NPC1: variants seen among roughly 807,000 people sequenced by gnomAD.
NPC1 encodes NPC intracellular cholesterol transporter 1, also known as Niemann-Pick C1 protein.
A neutral mutation model predicts 140.4 loss-of-function variants in NPC1; 85 were observed. The observed-to-expected ratio is 0.61, with a 90% CI of 0.51 to 0.72. The LOEUF (loss-of-function observed/expected upper bound fraction) is 0.72, where lower values mean the gene tolerates loss of function less well. NPC1 is among the 30% of genes least tolerant of loss of function. The pLI is 0.00. For synonymous variants in NPC1, 656 were observed against 624.8 expected, an observed-to-expected ratio of 1.05 and a Z score of -0.74; for missense variants, 1,504 against 1,623.8, an observed-to-expected ratio of 0.93 and a Z score of 1.27.
At chr18:23,514,794 A>G (rs2057956395) in intron 3 of NPC1, among the ~76,000 whole-genome samples, 1 of 152,142 alleles carries the variant, frequency 6.6e-6, no homozygotes. Flanking sequence ...AGTTAAAAAG[A>G]AAGAAGACTC....
At chr18:23,568,275 T>G (rs1599001323) in intron 4 of NPC1, among the ~76,000 whole-genome samples, 1 of 152,196 alleles carries the variant, frequency 6.6e-6, no homozygotes, top group Non-Finnish European at 1.5e-5. Flanking sequence ...GATTCCTAAG[T>G]GCCTTATTTT....
At chr18:23,550,573 C>A (rs149704538) in intron 10 of NPC1, among the ~76,000 whole-genome samples, 1 of 142,306 alleles carries the variant, frequency 7.0e-6, no homozygotes, top group Non-Finnish European at 1.5e-5. Flanking sequence ...GCTCTGCCTC[C>A]CGGGTTCACA....
chr18:23,516,194 C>T, intron 3 of NPC1: 1 of 1,332,144 alleles, frequency 7.5e-7, no homozygotes, highest in South Asian at 1.2e-5. Flanking sequence ...TGTGAGAGGA[C>T]ATGGGGGACG....
At position 23,541,323 on chromosome 18, in the gene NPC1, C is replaced by G; in HGVS notation, c.2356G>C (p.Asp786His). The G allele has an allele frequency of 6.2e-7, 1 of 1,614,206 alleles. No individual in the cohort carries two copies. Among genetic ancestry groups the G allele is most frequent in the Non-Finnish European group, 8.5e-7 (1 of 1,180,046 alleles). ...CAACTTACCTCTTGACGTTTAATGT[C>G]TAACCCCAAGAGACTCACGAAACAG... ...ITCFVSLLGL[D>H]IKRQEKNRLD... The change falls in exon 15 of 25, where the codon GAC becomes CAC. Residue 786 changes from aspartate (D) to histidine (H), a missense_variant. By Grantham distance (81) the Asp-to-His change is moderately conservative (BLOSUM62 -1). Transcript: ENST00000269228.
intron 1 of NPC1, among the ~76,000 whole-genome samples, chr18:23,585,212 G>A (rs1220833675): frequency 1.3e-5 from 2 of 152,164 alleles, no homozygotes; most frequent in African/African-American, 4.8e-5. Context: ...CGTGATCACA[G>A]CTCACAGCAG....
At chr18:23,545,467 T>C (rs1167068484) in intron 11 of NPC1, among the ~76,000 whole-genome samples, 1 of 152,214 alleles carries the variant, frequency 6.6e-6, no homozygotes, top group Non-Finnish European at 1.5e-5. Flanking sequence ...AGTCTCAAAC[T>C]CCTGACCTCA....
chr18:23,553,982 G>C (rs535973846), intron 9 of NPC1, among the ~76,000 whole-genome samples: 2 of 152,270 alleles, frequency 1.3e-5, no homozygotes, highest in Non-Finnish European at 2.9e-5. Context: ...GGCACCAAAG[G>C]CTCTTCTATC....
At chr18:23,562,909 C>T (rs187319173) in intron 4 of NPC1, among the ~76,000 whole-genome samples, 1 of 152,138 alleles carries the variant, frequency 6.6e-6, no homozygotes. Flanking sequence ...TACAATTTAC[C>T]CCCTTAAACT....
chr18:23,524,141 G>C, intron 1 of NPC1: 1 of 1,614,006 alleles, frequency 6.2e-7, no homozygotes, highest in Non-Finnish European at 8.5e-7. Flanking sequence ...TCCTGCTGCC[G>C]TGACCAGCCA....
rs190703290 is a variant in NPC1, at chr18:23,512,221, A to G, written c.432-5579T>C. On this transcript the variant is annotated intron_variant, in intron 3 of 3. Transcript: ENST00000591107. The stretch of plus-strand genomic sequence containing the variant: ...TTTTTAGAAGAGGTGGGGTTTCACC[A>G]TGTTGGCCAGGCTGGTCTTGAACCC... Among the ~76,000 whole-genome samples the G allele has an allele frequency of 1.4e-3, 207 of 152,008 alleles. 2 individuals are homozygous for G. The East Asian group carries it at 0.034, about 25-fold the overall frequency.
Position 23,534,526 on chromosome 18 carries a change from T to C in NPC1, c.3511A>G (p.Ile1171Val), listed in dbSNP as rs1342367428. Residue 1171 changes from isoleucine (I) to valine (V), a missense_variant, in exon 23 of 25, where the codon ATA becomes GTA. By Grantham distance (29) the Ile-to-Val change is conservative. Transcript: ENST00000269228. Reference protein sequence around the residue: ...CGISVEFCSHITRAFTVSMKG... With the variant: ...CGISVEFCSHVTRAFTVSMKG... ...ATGCTCACCGTGAACGCTCTGGTTA[T>C]GTGGCTGCAGAACTCCACGGAGATG... 2.5e-6 allele frequency: 4 copies of C among 1,614,172 alleles called. No individual in the cohort carries two copies. Among genetic ancestry groups the C allele is most frequent in the East Asian group, 2.2e-5 (1 of 44,886 alleles).
rs371903439 is a variant in NPC1, at chr18:23,548,754, C to T, written c.1655-646G>A. The stretch of plus-strand genomic sequence containing the variant: ...CCTATAAATATTTTAATGTGTAAAA[C>T]ACATACTTGTAGAAATAAATCTTTT... On this transcript the variant is annotated intron_variant, in intron 10 of 24. Transcript: ENST00000269228. Among the ~76,000 whole-genome samples the T allele has an allele frequency of 4.2e-4, 64 of 152,214 alleles. 1 individual carries two copies. The South Asian group carries it at 0.013, about 31-fold the overall frequency.
At chr18:23,512,820 T>C (rs144172439) in intron 3 of NPC1, among the ~76,000 whole-genome samples, 158 of 152,350 alleles carry the variant, frequency 1.0e-3, no homozygotes, top group African/African-American at 3.6e-3. Context: ...GTGTTAAGTA[T>C]ATTCATTCAC....
rs1373406697 is a variant in NPC1 at position 23,531,939 on chromosome 18, C to G, written c.*263G>C. On this transcript the variant is annotated 3_prime_UTR_variant, in exon 25 of 25. Transcript: ENST00000269228. ...CATTCACAGCCATCTAGTGTCACCT[C>G]CTGCTTGCCAAAGAATGAGGTTTCT... is the stretch of plus-strand genomic sequence containing the variant. 2.1e-6 allele frequency: 3 copies of G among 1,444,540 alleles called. No individual in the cohort carries two copies. Among genetic ancestry groups the G allele is most frequent in the Non-Finnish European group, 2.7e-6 (3 of 1,106,586 alleles). 89.5% of individuals were successfully genotyped at this position (1,444,540 alleles called of 1,614,324 possible).
At chr18:23,578,817 A>G (rs2059323245) in intron 1 of NPC1, among the ~76,000 whole-genome samples, 2 of 152,170 alleles carry the variant, frequency 1.3e-5, no homozygotes, top group South Asian at 4.1e-4. Flanking sequence ...TCTTCAACAG[A>G]GTTTCAAATG....
At chr18:23,519,065 A>C (rs1333614797), downstream of NPC1, 18 of 1,613,894 alleles carry the variant, frequency 1.1e-5, no homozygotes, top group Admixed American at 1.7e-5. Flanking sequence ...TTTCTATCCT[A>C]CAGAGAAGGT....
chr18:23,577,702 C>G (rs910372723), intron 1 of NPC1, among the ~76,000 whole-genome samples: 3 of 152,050 alleles, frequency 2.0e-5, no homozygotes, highest in Admixed American at 6.5e-5. Context: ...CGGGGAGGCT[C>G]AGGCTGCACA....
At chr18:23,578,291 AC>A (rs1192947757) in intron 1 of NPC1, among the ~76,000 whole-genome samples, 1 of 152,248 alleles carries the variant, frequency 6.6e-6, no homozygotes, top group Non-Finnish European at 1.5e-5. Context: ...AGGCTAAACA[AC>A]TTGTCCAAGG....
chr18:23,586,232 G>C, intron 1 of NPC1, 55 bp downstream of exon 1: 1 of 1,519,404 alleles, frequency 6.6e-7, no homozygotes, highest in South Asian at 1.2e-5. Flanking sequence ...GCCTTCCCCG[G>C]CTCTCGGCCC....
Sources: allele counts gnomAD v4.1 joint callset (sites outside exome capture counted in the v4.1 genomes callset), GRCh38; gene constraint gnomAD v4.1.1; transcripts MANE v1.5; gene names NCBI Gene and HGNC (gene_info 2026-07-23, HGNC 2026-07-21).